The following CDKAL1 variants were observed in gnomAD, a reference collection of about 807,000 sequenced individuals.
CDKAL1 encodes CDKAL1 threonylcarbamoyladenosine tRNA methylthiotransferase.
A neutral mutation model predicts 68.2 loss-of-function variants in CDKAL1; 32 were observed. That is an observed-to-expected ratio of 0.47 (90% confidence interval 0.35 to 0.63). The LOEUF (loss-of-function observed/expected upper bound fraction) is 0.63, where lower values mean the gene tolerates loss of function less well. CDKAL1 is among the 30% of genes least tolerant of loss of function. The pLI, the probability that CDKAL1 is intolerant of heterozygous loss-of-function variation, is 0.00. For missense variants in CDKAL1, 606 were observed against 696.7 expected (o/e 0.87, Z 1.47); for synonymous variants, 234 against 244.3 (o/e 0.96, Z 0.39).
chr6:20,694,573 C>G (rs1475967405), intron 5 of CDKAL1, among the ~76,000 whole-genome samples: 2 of 152,116 alleles, frequency 1.3e-5, no homozygotes, highest in Non-Finnish European at 2.9e-5. Context: ...ACATTAATGC[C>G]AGGGCTCAAG....
At chr6:20,886,609 C>T (rs1761078556) in intron 9 of CDKAL1, among the ~76,000 whole-genome samples, 1 of 152,114 alleles carries the variant, frequency 6.6e-6, no homozygotes, top group Non-Finnish European at 1.5e-5. Context: ...ACCCTGAAAG[C>T]ATTATGCTAA....
intron 9 of CDKAL1, among the ~76,000 whole-genome samples, chr6:20,895,822 A>C (rs370882391): frequency 6.6e-6 from 1 of 152,144 alleles, no homozygotes; most frequent in African/African-American, 2.4e-5. Context: ...CGTGATTACT[A>C]TGGCAATATG....
chr6:20,541,815 C>T (rs999555571), intron 2 of CDKAL1, among the ~76,000 whole-genome samples: 1 of 152,192 alleles, frequency 6.6e-6, no homozygotes, highest in Non-Finnish European at 1.5e-5. Context: ...CATGTGCCAC[C>T]ACGCCCGGCT....
intron 8 of CDKAL1, among the ~76,000 whole-genome samples, chr6:20,838,039 C>T (rs1374979588): frequency 1.4e-5 from 2 of 139,414 alleles, no homozygotes; most frequent in African/African-American, 2.6e-5. Flanking sequence ...TATATGTATA[C>T]ATCTACTTTT....
intron 10 of CDKAL1, among the ~76,000 whole-genome samples, chr6:20,968,334 T>C (rs1765431894): frequency 6.6e-6 from 1 of 151,754 alleles, no homozygotes; most frequent in African/African-American, 2.4e-5. Context: ...AGTTTCTGTA[T>C]TTTTTATAGA....
intron 15 of CDKAL1, among the ~76,000 whole-genome samples, chr6:21,205,209 C>T (rs889684915): frequency 9.2e-5 from 14 of 152,204 alleles, no homozygotes; most frequent in Admixed American, 7.2e-4. Flanking sequence ...CATTGGTGGA[C>T]ATTTAGGTTG....
chr6:20,680,328 A>G (rs1258297332), intron 5 of CDKAL1, among the ~76,000 whole-genome samples: 1 of 152,190 alleles, frequency 6.6e-6, no homozygotes, highest in African/African-American at 2.4e-5. Flanking sequence ...CAGCCTCCCA[A>G]AGTCCTGGGA....
chr6:20,875,162 G>A (rs1447022833), intron 9 of CDKAL1, among the ~76,000 whole-genome samples: 3 of 151,546 alleles, frequency 2.0e-5, no homozygotes, highest in African/African-American at 4.8e-5. Flanking sequence ...AGCCGGGCGC[G>A]GTGGCAGGCG....
chr6:20,560,893 T>C (rs114956484), intron 4 of CDKAL1, among the ~76,000 whole-genome samples: 74 of 152,304 alleles, frequency 4.9e-4, no homozygotes, highest in African/African-American at 1.7e-3. Context: ...AAGGACTTTT[T>C]TGGGAAGAGT....
intron 4 of CDKAL1, among the ~76,000 whole-genome samples, chr6:20,586,069 A>G (rs921802135): frequency 6.6e-6 from 1 of 152,202 alleles, no homozygotes; most frequent in Non-Finnish European, 1.5e-5. Context: ...TTGTTTCCAC[A>G]TCACACACTG....
chr6:20,949,692 C>A (rs1186246251), intron 9 of CDKAL1, among the ~76,000 whole-genome samples: 1 of 151,566 alleles, frequency 6.6e-6, no homozygotes, highest in Non-Finnish European at 1.5e-5. Context: ...GAAGACAAAC[C>A]AATAATTATA....
At chr6:20,599,581 C>A (rs966549957) in intron 4 of CDKAL1, among the ~76,000 whole-genome samples, 16 of 152,252 alleles carry the variant, frequency 1.1e-4, no homozygotes, top group African/African-American at 3.6e-4. Context: ...TGACTTGGCT[C>A]ATTTAGCTTT....
chr6:21,104,441 G>A (rs749342479), intron 12 of CDKAL1, among the ~76,000 whole-genome samples: 2 of 152,078 alleles, frequency 1.3e-5, no homozygotes, highest in Non-Finnish European at 2.9e-5. Flanking sequence ...TCTAGATCGG[G>A]GTGGTTACCT....
chr6:21,208,094 G>C (rs1449168930), intron 15 of CDKAL1, among the ~76,000 whole-genome samples: 2 of 151,974 alleles, frequency 1.3e-5, no homozygotes, highest in African/African-American at 2.4e-5. Context: ...TTAAGAGAAG[G>C]CTGCCCCAGG....
chr6:20,593,808 G>T (rs960953142), intron 4 of CDKAL1, among the ~76,000 whole-genome samples: 3 of 152,172 alleles, frequency 2.0e-5, no homozygotes, highest in Admixed American at 6.5e-5. Flanking sequence ...TCTGCTGTGG[G>T]CATTTAGTGC....
At chr6:20,720,687 A>T (rs1288195384) in intron 5 of CDKAL1, among the ~76,000 whole-genome samples, 1 of 152,120 alleles carries the variant, frequency 6.6e-6, no homozygotes, top group African/African-American at 2.4e-5. Flanking sequence ...TTTAGTAGAG[A>T]CAGGGTTTCA....
At chr6:21,071,358 T>G (rs1434971457) in intron 12 of CDKAL1, among the ~76,000 whole-genome samples, 1 of 152,116 alleles carries the variant, frequency 6.6e-6, no homozygotes, top group East Asian at 1.9e-4. Flanking sequence ...CCTGCCACCT[T>G]GTGAAGGGGG....
Position 21,139,906 on chromosome 6 carries a change from CT to C in CDKAL1, c.1299+31450del. 1.3e-5 allele frequency among the ~76,000 whole-genome samples: 2 copies of C among 152,118 alleles called. 1 individual carries two copies. The highest frequency in any genetic ancestry group is 4.2e-4 in the South Asian group (2 of 4,812). On this transcript the variant is annotated intron_variant, in intron 13 of 15. Transcript: ENST00000274695. ...GATAATGTATTACAAACAAAAATACCTTTTTTTCCCCTCAGGTAAATTACAA... is the reference window on the plus strand; with the variant it reads ...GATAATGTATTACAAACAAAAATACCTTTTTTCCCCTCAGGTAAATTACAA...
At chr6:21,187,237 G>A (rs936278813) in intron 13 of CDKAL1, among the ~76,000 whole-genome samples, 35 of 152,148 alleles carry the variant, frequency 2.3e-4, no homozygotes, top group African/African-American at 7.7e-4. Context: ...ACAACTGGCA[G>A]GATAGAATCC....
Sources: allele counts gnomAD v4.1 joint callset (sites outside exome capture counted in the v4.1 genomes callset), GRCh38; gene constraint gnomAD v4.1.1; transcripts MANE v1.5; gene names NCBI Gene and HGNC (gene_info 2026-07-23, HGNC 2026-07-21).